PCDHA3: variants seen among roughly 807,000 people sequenced by gnomAD.
PCDHA3 encodes the protein protocadherin alpha 3.
A neutral mutation model predicts 62.2 loss-of-function variants in PCDHA3; 41 were observed. That is an observed-to-expected ratio of 0.66 (90% confidence interval 0.51 to 0.86). The LOEUF (loss-of-function observed/expected upper bound fraction) is 0.86. Among genes scored for constraint, PCDHA3 ranks in the 40% least tolerant of loss-of-function variants. The pLI, the probability that PCDHA3 is intolerant of heterozygous loss-of-function variation, is 0.00. For synonymous variants in PCDHA3, 640 were observed against 555.4 expected (o/e 1.15, Z -2.14); for missense variants, 1,304 against 1,241.2 (o/e 1.05, Z -0.76).
intron 1 of PCDHA3, chr5:140,882,431 G>A (rs374040153): frequency 1.2e-6 from 2 of 1,614,044 alleles, no homozygotes; most frequent in Non-Finnish European, 8.5e-7. Flanking sequence ...CCTGGGGCTG[G>A]AGCTGGCGGA....
chr5:140,959,373 C>CA lies in PCDHA3; in HGVS notation c.2395-19566dup, dbSNP rs1243465116. Among the ~76,000 whole-genome samples the CA allele has an allele frequency of 8.3e-3, 1,208 of 145,190 alleles. 7 individuals carry two copies. Among genetic ancestry groups the CA allele is most frequent in the Admixed American group, 0.016 (228 of 14,544 alleles). ...GGGACAACTGAGTGAGACCCTGTCT[C>CA]AAAAAAAAAAGTCACAAATTAAGAT... On this transcript the variant is annotated intron_variant, in intron 1 of 3. Coordinates refer to ENST00000522353, the MANE Select transcript of PCDHA3 (RefSeq NM_018906.3).
chr5:140,913,462 G>A (rs1300773586), intron 1 of PCDHA3, among the ~76,000 whole-genome samples: 1 of 151,764 alleles, frequency 6.6e-6, no homozygotes, highest in African/African-American at 2.4e-5. Context: ...TTATTTACTT[G>A]GGTCTTCTCT....
At chr5:140,872,083 C>G (rs377675529) in intron 1 of PCDHA3, among the ~76,000 whole-genome samples, 1 of 152,284 alleles carries the variant, frequency 6.6e-6, no homozygotes, top group East Asian at 1.9e-4. Context: ...TGCAGTGCCA[C>G]TGCACTTAGT....
intron 1 of PCDHA3, among the ~76,000 whole-genome samples, chr5:140,920,261 A>T (rs535022961): frequency 3.3e-4 from 50 of 152,226 alleles, no homozygotes; most frequent in Non-Finnish European, 2.8e-4. Context: ...TATAATAATT[A>T]TTACTTTATG....
rs782622621 is a variant in PCDHA3, at chr5:140,801,873, A to G, written c.676A>G (p.Thr226Ala). 2 of 1,614,014 alleles carry G rather than the reference A, an allele frequency of 1.2e-6. No individual in the cohort carries two copies. Among genetic ancestry groups the G allele is most frequent in the East Asian group, 4.5e-5 (2 of 44,898 alleles). ...DGGKPELTGT[T>A]QLKITVLDVN... is the part of the protein sequence containing the mutation. ...TGGGAAACCAGAGCTCACTGGCACG[A>G]CTCAACTAAAGATCACTGTTTTAGA... The change falls in exon 1 of 4, where the codon ACT becomes GCT. Residue 226 changes from threonine (T) to alanine (A), a missense_variant. Transcript: ENST00000522353.
chr5:140,809,551 A>G (rs782165003), intron 1 of PCDHA3: 1 of 1,612,150 alleles, frequency 6.2e-7, no homozygotes, highest in Non-Finnish European at 8.5e-7. Flanking sequence ...AGCTGCAGAC[A>G]ACTGAGGAAT....
intron 1 of PCDHA3, chr5:140,827,983 T>C (rs1358516042): frequency 1.4e-6 from 2 of 1,436,802 alleles, no homozygotes; most frequent in Non-Finnish European, 1.9e-6. Context: ...TCCCTGACTG[T>C]TGAATGATGG....
At chr5:140,848,275 T>G in intron 1 of PCDHA3, 2 of 545,056 alleles carry the variant, frequency 3.7e-6, no homozygotes, top group Non-Finnish European at 3.2e-6. Flanking sequence ...TCATGAAATA[T>G]GTACTTACAC....
intron 1 of PCDHA3, chr5:140,857,039 G>A: frequency 6.3e-7 from 1 of 1,595,752 alleles, no homozygotes; most frequent in Non-Finnish European, 8.6e-7. Context: ...ACCTATGGTT[G>A]GTCACTGCAC....
chr5:140,929,681 AAG>A, intron 1 of PCDHA3: 1 of 302,408 alleles, frequency 3.3e-6, no homozygotes, highest in Non-Finnish European at 6.3e-6. Flanking sequence ...AAAAATATGT[AAG>A]AGTCTGCTTT....
intron 1 of PCDHA3, chr5:140,969,388 A>G: frequency 6.3e-7 from 1 of 1,595,066 alleles, no homozygotes; most frequent in Non-Finnish European, 8.5e-7. Flanking sequence ...CACATCCCCC[A>G]ATATCCTGTG....
chr5:140,809,051 T>C (rs1764347128), intron 1 of PCDHA3: 1 of 1,613,758 alleles, frequency 6.2e-7, no homozygotes, highest in Non-Finnish European at 8.5e-7. Context: ...GCGCATCCCG[T>C]TCCGCGTGGG....
chr5:140,822,244 T>C (rs1424372692), intron 1 of PCDHA3: 2 of 1,614,120 alleles, frequency 1.2e-6, no homozygotes, highest in Non-Finnish European at 1.7e-6. Flanking sequence ...AGAGGGCGCG[T>C]CGGATTTGGA....
chr5:140,828,352 T>C (rs1222673665), intron 1 of PCDHA3: 1 of 1,614,116 alleles, frequency 6.2e-7, no homozygotes, highest in African/African-American at 1.3e-5. Flanking sequence ...TGTTTGTGAA[T>C]TCTCGGATCG....
At position 140,953,768 on chromosome 5, in the gene PCDHA3, A is replaced by G. The variant is rs146090592; in HGVS notation, c.2395-25181A>G. Among the ~76,000 whole-genome samples, 15 of 152,248 alleles carry G rather than the reference A, an allele frequency of 9.9e-5. No homozygotes were observed. In the East Asian group the frequency reaches 2.7e-3, roughly 27 times the overall value. The stretch of plus-strand genomic sequence containing the variant: ...TACATTTATCCAAGAATTAAATTTA[A>G]TATTTATTTATTTTTTTCTTCAACT... On this transcript the variant is annotated intron_variant, in intron 1 of 3. Coordinates refer to ENST00000522353, the MANE Select transcript of PCDHA3 (RefSeq NM_018906.3).
chr5:140,959,491 G>A (rs761208761), intron 1 of PCDHA3, among the ~76,000 whole-genome samples: 6 of 151,956 alleles, frequency 3.9e-5, no homozygotes, highest in Non-Finnish European at 7.4e-5. Context: ...TGTTATATAT[G>A]GATCAAACTA....
At chr5:140,997,636 A>G (rs2097777002) in intron 3 of PCDHA3, among the ~76,000 whole-genome samples, 2 of 151,964 alleles carry the variant, frequency 1.3e-5, no homozygotes, top group African/African-American at 4.8e-5. Flanking sequence ...AAAAAGCAAA[A>G]TGGGATAATG....
rs151115812 is a variant in PCDHA3, at chr5:140,834,685, A to G, written c.2394+31094A>G. 2.2e-3 allele frequency: 3,569 copies of G among 1,614,218 alleles called. 59 individuals carry two copies. The African/African-American group carries it at 0.04, about 18-fold the overall frequency. The stretch of plus-strand genomic sequence containing the variant: ...GAGGAGCTGTGCGGGCGGAGCGCGG[A>G]GTGCAGCATCCACCTGGAGGTGATC... On this transcript the variant is annotated intron_variant, in intron 1 of 3. Coordinates refer to ENST00000522353, the MANE Select transcript of PCDHA3 (RefSeq NM_018906.3).
intron 1 of PCDHA3, chr5:140,968,736 A>G (rs1047961532): frequency 3.1e-6 from 5 of 1,614,098 alleles, no homozygotes; most frequent in East Asian, 2.2e-5. Context: ...AGCACTTTCA[A>G]CCTGACCGTG....
Sources: gnomAD v4.1 joint callset for allele counts (sites outside exome capture counted in the v4.1 genomes callset) on GRCh38, gnomAD v4.1.1 for gene constraint, MANE v1.5 for transcripts, NCBI Gene and HGNC (gene_info 2026-07-23, HGNC 2026-07-21) for gene names.